The following ZFHX3 variants were observed in gnomAD, a reference collection of about 807,000 sequenced individuals.
The protein encoded by ZFHX3 is zinc finger homeobox protein 3.
A neutral mutation model predicts 279.1 loss-of-function variants in ZFHX3; 42 were observed. The observed-to-expected ratio is 0.15, with a 90% CI of 0.12 to 0.19. The LOEUF (loss-of-function observed/expected upper bound fraction) is 0.19, where lower values mean the gene tolerates loss of function less well. Among genes scored for constraint, ZFHX3 ranks in the 10% least tolerant of loss-of-function variants. The pLI is 1.00. For synonymous variants in ZFHX3, 2,293 were observed against 1,957.8 expected, an observed-to-expected ratio of 1.17 and a Z score of -4.52; for missense variants, 4,981 against 4,754.0, an observed-to-expected ratio of 1.05 and a Z score of -1.40.
At chr16:73,471,871 T>C (rs561141911) in intron 2 of ZFHX3, among the ~76,000 whole-genome samples, 28 of 152,242 alleles carry the variant, frequency 1.8e-4, no homozygotes, top group African/African-American at 6.7e-4. Context: ...CCCTGCAGCA[T>C]TCTGAGACAT....
chr16:73,768,937 C>G (rs527753745), intron 1 of ZFHX3, among the ~76,000 whole-genome samples: 126 of 152,262 alleles, frequency 8.3e-4, no homozygotes, highest in Non-Finnish European at 1.5e-3. Context: ...TCTCGCCAAA[C>G]ACAAATATGG....
chr16:73,064,514 T>G (rs1181327614), upstream of ZFHX3, among the ~76,000 whole-genome samples: 1 of 151,856 alleles, frequency 6.6e-6, no homozygotes. Context: ...AAGCCTTTTT[T>G]TTTTTTCTTT....
chr16:73,449,691 A>G (rs181268115), intron 3 of ZFHX3, among the ~76,000 whole-genome samples: 7 of 152,322 alleles, frequency 4.6e-5, no homozygotes, highest in Non-Finnish European at 1.0e-4. Context: ...TTGATGAAGT[A>G]AAACAATAAC....
chr16:73,508,697 GT>G (rs1406826666), intron 2 of ZFHX3, among the ~76,000 whole-genome samples: 1 of 152,142 alleles, frequency 6.6e-6, no homozygotes, highest in Non-Finnish European at 1.5e-5. Flanking sequence ...AGAGAGAATA[GT>G]ACACACTGGA....
At chr16:73,017,749 C>T (rs1964157688) in intron 1 of ZFHX3, among the ~76,000 whole-genome samples, 1 of 151,942 alleles carries the variant, frequency 6.6e-6, no homozygotes, top group Admixed American at 6.6e-5. Context: ...ATCCAAGTGG[C>T]CCCAGTGTGC....
chr16:73,869,374 C>G (rs1962107105), intron 1 of ZFHX3, among the ~76,000 whole-genome samples: 1 of 152,180 alleles, frequency 6.6e-6, no homozygotes, highest in Admixed American at 6.5e-5. Context: ...TAAAACTTAT[C>G]AGCTGAGAAT....
chr16:73,559,955 T>C (rs909165927), intron 2 of ZFHX3, among the ~76,000 whole-genome samples: 2 of 152,180 alleles, frequency 1.3e-5, no homozygotes, highest in African/African-American at 2.4e-5. Flanking sequence ...ACAAATATTA[T>C]CTGTTCTTCT....
chr16:73,140,236 G>A (rs993743728), intron 6 of ZFHX3, among the ~76,000 whole-genome samples: 9 of 151,890 alleles, frequency 5.9e-5, no homozygotes, highest in African/African-American at 2.2e-4. Context: ...ACTCCATCCT[G>A]GGAGACAGAG....
At chr16:73,843,284 G>C (rs1961359259) in intron 1 of ZFHX3, among the ~76,000 whole-genome samples, 1 of 152,200 alleles carries the variant, frequency 6.6e-6, no homozygotes, top group African/African-American at 2.4e-5. Context: ...ACAATGCCTA[G>C]GCTCCTTCCG....
chr16:73,214,191 CAGCTCA>C (rs1181017612), intron 5 of ZFHX3, among the ~76,000 whole-genome samples: 1 of 152,172 alleles, frequency 6.6e-6, no homozygotes. Context: ...TTCAACACTC[CAGCTCA>C]AATGGGCTTG....
intron 5 of ZFHX3, among the ~76,000 whole-genome samples, chr16:73,176,028 G>A (rs899013127): frequency 5.9e-5 from 9 of 152,090 alleles, no homozygotes; most frequent in Non-Finnish European, 8.8e-5. Context: ...AACCCACCTC[G>A]TCGGCTATGC....
At chr16:73,535,784 G>A (rs975341436) in intron 2 of ZFHX3, among the ~76,000 whole-genome samples, 2 of 148,178 alleles carry the variant, frequency 1.3e-5, no homozygotes, top group Non-Finnish European at 3.0e-5. Context: ...GTGCAATGGT[G>A]TGATCTCGGC....
At chr16:73,264,927 G>A (rs1212736412) in intron 4 of ZFHX3, among the ~76,000 whole-genome samples, 1 of 151,662 alleles carries the variant, frequency 6.6e-6, no homozygotes, top group Non-Finnish European at 1.5e-5. Flanking sequence ...TTTTATGGCT[G>A]AGTAGTATTC....
chr16:73,458,620 T>C (rs531469500), intron 2 of ZFHX3, among the ~76,000 whole-genome samples: 1 of 152,210 alleles, frequency 6.6e-6, no homozygotes, highest in East Asian at 1.9e-4. Flanking sequence ...GGCTTACACC[T>C]GACTTTTGAA....
In ZFHX3 at chr16:72,814,626, C is replaced by G. The variant is rs1465834418; in HGVS notation, c.3530-2588G>C. ...GGGAACTTCTTTTTTTTTTTTTTTT[C>G]CAAACTCAAACTGCTCTGGAATTCT... On this transcript the variant is annotated intron_variant, in intron 5 of 9. Coordinates refer to ENST00000268489, the MANE Select transcript of ZFHX3 (RefSeq NM_006885.4). Among the ~76,000 whole-genome samples the G allele has an allele frequency of 2.1e-5, 3 of 141,174 alleles. No homozygotes were observed. In the Admixed American group the frequency reaches 2.1e-4, roughly 10 times the overall value. 92.6% of individuals were successfully genotyped at this position (141,174 alleles called of 152,430 possible).
chr16:72,873,636 G>A (rs1354727527), intron 4 of ZFHX3, among the ~76,000 whole-genome samples: 4 of 151,970 alleles, frequency 2.6e-5, no homozygotes, highest in Non-Finnish European at 5.9e-5. Flanking sequence ...CTTCAAGTTC[G>A]CCAATTTTTT....
intron 2 of ZFHX3, among the ~76,000 whole-genome samples, chr16:73,666,924 ATTGAGT>A (rs1354719868): frequency 2.6e-5 from 4 of 151,958 alleles, no homozygotes; most frequent in African/African-American, 9.7e-5. Context: ...CATCCACGTT[ATTGAGT>A]TTATCAGTAG....
intron 2 of ZFHX3, among the ~76,000 whole-genome samples, chr16:73,543,185 T>C (rs185652993): frequency 1.1e-4 from 16 of 152,298 alleles, no homozygotes; most frequent in African/African-American, 3.9e-4. Context: ...CATTAGAATA[T>C]TTCTCATCAT....
At chr16:73,797,807 CTTTTTTT>C (rs35369374) in intron 1 of ZFHX3, among the ~76,000 whole-genome samples, 1 of 82,874 alleles carries the variant, frequency 1.2e-5, no homozygotes, top group Non-Finnish European at 2.2e-5. Flanking sequence ...CTTCTGAAGA[CTTTTTTT>C]TTTTTTTTTT....
Sources: gnomAD v4.1 joint callset for allele counts (sites outside exome capture counted in the v4.1 genomes callset) on GRCh38, gnomAD v4.1.1 for gene constraint, MANE v1.5 for transcripts, NCBI Gene and HGNC (gene_info 2026-07-23, HGNC 2026-07-21) for gene names.